KAZN: variants seen among roughly 807,000 people sequenced by gnomAD.
KAZN encodes the protein kazrin, periplakin interacting protein, also known as kazrin.
KAZN carries 40 observed loss-of-function variants against 87.4 expected under a neutral mutation model. The ratio of observed to expected loss-of-function variants is 0.46; its 90% CI spans 0.36 to 0.60. The LOEUF (loss-of-function observed/expected upper bound fraction) is 0.60, where lower values mean the gene tolerates loss of function less well. Among genes scored for constraint, KAZN ranks in the 20% least tolerant of loss-of-function variants. The pLI is 0.00. For synonymous variants in KAZN, 466 were observed against 458.3 expected (o/e 1.02, Z -0.22); for missense variants, 898 against 1,073.9 (o/e 0.84, Z 2.29).
At chr1:13,958,598 T>G (rs2101017657) in intron 1 of KAZN, among the ~76,000 whole-genome samples, 1 of 150,748 alleles carries the variant, frequency 6.6e-6, no homozygotes, top group East Asian at 2.0e-4. Context: ...AATTAAAAAT[T>G]AACATATTGG....
intron 4 of KAZN, among the ~76,000 whole-genome samples, chr1:15,048,002 C>T (rs1673766677): frequency 6.6e-6 from 1 of 152,158 alleles, no homozygotes; most frequent in South Asian, 2.1e-4. Context: ...CTTAAGTGAC[C>T]CTGAGGTGCT....
At chr1:14,475,391 G>A (rs764895525) in intron 2 of KAZN, among the ~76,000 whole-genome samples, 3 of 152,126 alleles carry the variant, frequency 2.0e-5, no homozygotes, top group Non-Finnish European at 4.4e-5. Context: ...AGAATAAAAG[G>A]TATAATACCT....
intron 1 of KAZN, among the ~76,000 whole-genome samples, chr1:14,141,568 G>C (rs1645241355): frequency 6.6e-6 from 1 of 152,126 alleles, no homozygotes; most frequent in South Asian, 2.1e-4. Context: ...GGACCCATTT[G>C]CCATGTAAAT....
chr1:14,925,704 C>A (rs1392316845), intron 1 of KAZN, among the ~76,000 whole-genome samples: 2 of 152,202 alleles, frequency 1.3e-5, no homozygotes, highest in African/African-American at 4.8e-5. Flanking sequence ...ATAATCATTT[C>A]TTTCCTGTAA....
intron 1 of KAZN, among the ~76,000 whole-genome samples, chr1:14,878,685 G>A (rs2101089687): frequency 6.6e-6 from 1 of 152,268 alleles, no homozygotes; most frequent in East Asian, 1.9e-4. Flanking sequence ...TCAGCTGGAG[G>A]GAGGCAGAGC....
At chr1:14,369,404 C>G (rs957512998) in intron 2 of KAZN, among the ~76,000 whole-genome samples, 8 of 152,184 alleles carry the variant, frequency 5.3e-5, no homozygotes, top group Non-Finnish European at 4.4e-5. Flanking sequence ...GCAGCCTCCA[C>G]GAGAAATCTG....
intron 1 of KAZN, among the ~76,000 whole-genome samples, chr1:14,869,828 A>G (rs564254415): frequency 1.3e-5 from 2 of 152,202 alleles, no homozygotes; most frequent in Admixed American, 6.5e-5. Context: ...TAATTAGCGC[A>G]CAGACCTGCT....
At chr1:14,333,461 T>G (rs1167874842) in intron 2 of KAZN, among the ~76,000 whole-genome samples, 1 of 152,178 alleles carries the variant, frequency 6.6e-6, no homozygotes, top group Non-Finnish European at 1.5e-5. Flanking sequence ...AGGGCCCTGG[T>G]GCAAGACTCT....
chr1:14,810,005 T>G (rs1169437201), intron 1 of KAZN, among the ~76,000 whole-genome samples: 3 of 152,174 alleles, frequency 2.0e-5, no homozygotes, highest in African/African-American at 7.2e-5. Context: ...GGCTGTCTTG[T>G]GCATTGCAGG....
chr1:13,978,827 A>T (rs1197117283), intron 1 of KAZN, among the ~76,000 whole-genome samples: 1 of 152,166 alleles, frequency 6.6e-6, no homozygotes, highest in Admixed American at 6.5e-5. Context: ...ATTTGAGCTG[A>T]TGTGGTGGCA....
chr1:15,004,757 A>G (rs1332095627), intron 2 of KAZN, among the ~76,000 whole-genome samples: 1 of 152,126 alleles, frequency 6.6e-6, no homozygotes, highest in East Asian at 1.9e-4. Flanking sequence ...GGGGGTTCAA[A>G]TCCTGCCTTA....
intron 2 of KAZN, among the ~76,000 whole-genome samples, chr1:14,998,406 GC>G (rs995538149): frequency 4.1e-4 from 46 of 112,842 alleles, no homozygotes; most frequent in African/African-American, 3.8e-3. Flanking sequence ...TGTGTATGTG[GC>G]GGGGGGACTT....
At chr1:14,279,963 T>C (rs1216384189) in intron 2 of KAZN, among the ~76,000 whole-genome samples, 1 of 152,036 alleles carries the variant, frequency 6.6e-6, no homozygotes, top group East Asian at 1.9e-4. Flanking sequence ...TGTTAGGGAT[T>C]GGGAATCGTG....
At chr1:14,436,734 A>AAAAAAAAAAC (rs563539375) in intron 2 of KAZN, among the ~76,000 whole-genome samples, 6 of 137,364 alleles carry the variant, frequency 4.4e-5, no homozygotes, top group Admixed American at 2.2e-4. Context: ...AAAAAAAAAA[A>AAAAAAAAAAC]AAAACCTTAA....
intron 2 of KAZN, among the ~76,000 whole-genome samples, chr1:14,973,802 T>G (rs1665334479): frequency 6.6e-6 from 1 of 152,154 alleles, no homozygotes. Context: ...ACAGCAGAAT[T>G]GACAAAGATC....
chr1:15,093,619 TA>T (rs757078179), intron 8 of KAZN, among the ~76,000 whole-genome samples: 5 of 152,070 alleles, frequency 3.3e-5, no homozygotes, highest in Non-Finnish European at 7.4e-5. Flanking sequence ...TTACATAAGA[TA>T]AAGATAAATG....
At chr1:14,188,728 C>G (rs1646364739) in intron 2 of KAZN, among the ~76,000 whole-genome samples, 1 of 152,114 alleles carries the variant, frequency 6.6e-6, no homozygotes, top group Non-Finnish European at 1.5e-5. Flanking sequence ...CATTTCTTCC[C>G]TGGTGGCATG....
At chr1:14,074,837 T>G (rs1010992082) in intron 1 of KAZN, among the ~76,000 whole-genome samples, 26 of 152,198 alleles carry the variant, frequency 1.7e-4, no homozygotes, top group African/African-American at 6.0e-4. Context: ...AGGGACAAAT[T>G]GCTTCTCTCT....
chr1:14,398,290 T>G (rs982781968), intron 2 of KAZN, among the ~76,000 whole-genome samples: 1 of 152,252 alleles, frequency 6.6e-6, no homozygotes, highest in Non-Finnish European at 1.5e-5. Context: ...TGATTAAAAG[T>G]GTGGAGTAGA....
Sources: allele counts gnomAD v4.1 joint callset (sites outside exome capture counted in the v4.1 genomes callset), GRCh38; gene constraint gnomAD v4.1.1; transcripts MANE v1.5; gene names NCBI Gene and HGNC (gene_info 2026-07-23, HGNC 2026-07-21).